Variants in PIK3C2G observed in about 807,000 individuals in gnomAD.
PIK3C2G encodes phosphatidylinositol-4-phosphate 3-kinase catalytic subunit type 2 gamma, also known as phosphatidylinositol 3-kinase C2 domain-containing subunit gamma.
PIK3C2G carries 168 observed loss-of-function variants against 181.1 expected under a neutral mutation model. That is an observed-to-expected ratio of 0.93 (90% confidence interval 0.82 to 1.05). PIK3C2G has a LOEUF of 1.05. Ranked by LOEUF, PIK3C2G falls within the 50% of genes least tolerant of loss-of-function variation. PIK3C2G has a pLI of 0.00. For missense variants in PIK3C2G, 1,869 were observed against 1,732.8 expected (o/e 1.08, Z -1.40); for synonymous variants, 573 against 592.2 (o/e 0.97, Z 0.47).
chr12:18,399,614 T>C (rs750310220), intron 15 of PIK3C2G, 45 bp from the exon 16 acceptor site: 2 of 1,245,498 alleles, frequency 1.6e-6, no homozygotes, highest in Non-Finnish European at 1.1e-6. Context: ...CATTTGTTAG[T>C]GCAGCAAACT....
intron 19 of PIK3C2G, among the ~76,000 whole-genome samples, chr12:18,490,254 C>G (rs1324447262): frequency 6.6e-6 from 1 of 152,142 alleles, no homozygotes; most frequent in African/African-American, 2.4e-5. Context: ...CTACACTTTG[C>G]TCTTCTGGAT....
intron 1 of PIK3C2G, among the ~76,000 whole-genome samples, chr12:18,263,860 T>C (rs1055954213): frequency 2.6e-5 from 4 of 152,216 alleles, no homozygotes; most frequent in Non-Finnish European, 5.9e-5. Context: ...AGATTTTATA[T>C]GACATAACCA....
intron 31 of PIK3C2G, among the ~76,000 whole-genome samples, chr12:18,633,393 T>C (rs1327548990): frequency 2.0e-5 from 3 of 152,372 alleles, no homozygotes; most frequent in African/African-American, 7.2e-5. Context: ...GTCATCTCTG[T>C]AACTGGTCAC....
At chr12:18,443,365 A>C (rs1458742727) in intron 18 of PIK3C2G, among the ~76,000 whole-genome samples, 1 of 152,148 alleles carries the variant, frequency 6.6e-6, no homozygotes, top group Non-Finnish European at 1.5e-5. Context: ...AGTAATAAAA[A>C]ATATCAGTAT....
the PIK3C2G span, among the ~76,000 whole-genome samples, chr12:18,685,030 T>C: frequency 6.6e-6 from 1 of 152,108 alleles, no homozygotes; most frequent in South Asian, 2.1e-4. Context: ...GAACTGTGAG[T>C]CAATTAAACC....
Position 18,505,470 on chromosome 12 carries a change from A to G in PIK3C2G, c.3323+9A>G, listed in dbSNP as rs754500396. On this transcript the variant is annotated intron_variant, in intron 24 of 32. Transcript: ENST00000538779. ...TTTGGAGGGATAAAAAGGTCAGTGC[A>G]CAAATGTTTATTACAGTAATTAAGC... 5 of 1,604,024 alleles carry G rather than the reference A, an allele frequency of 3.1e-6. No individual in the cohort carries two copies. The highest frequency in any genetic ancestry group is 2.7e-5 in the African/African-American group (2 of 74,772).
intron 14 of PIK3C2G, 90 bp from the exon 15 acceptor site, chr12:18,391,032 T>C: frequency 1.2e-6 from 1 of 847,648 alleles, no homozygotes; most frequent in Middle Eastern, 3.4e-4. Flanking sequence ...TTCTGTTCTT[T>C]AGTTTCTATA....
chr12:18,436,534 CA>C (rs1490301567), intron 18 of PIK3C2G, among the ~76,000 whole-genome samples: 1 of 151,928 alleles, frequency 6.6e-6, no homozygotes, highest in Non-Finnish European at 1.5e-5. Flanking sequence ...ACTGTGAGGA[CA>C]AAACTTAACC....
At chr12:18,497,394 T>G (rs898506451) in intron 21 of PIK3C2G, among the ~76,000 whole-genome samples, 1 of 152,166 alleles carries the variant, frequency 6.6e-6, no homozygotes, top group Non-Finnish European at 1.5e-5. Context: ...GCAGCACCTC[T>G]AATTTGATGG....
intron 18 of PIK3C2G, among the ~76,000 whole-genome samples, chr12:18,431,904 C>A (rs1435549447): frequency 6.6e-6 from 1 of 152,138 alleles, no homozygotes; most frequent in Admixed American, 6.5e-5. Context: ...CAGCAACTTG[C>A]TTAAACCAAA....
intron 1 of PIK3C2G, among the ~76,000 whole-genome samples, chr12:18,275,516 G>A (rs1948946947): frequency 6.6e-6 from 1 of 152,070 alleles, no homozygotes; most frequent in Admixed American, 6.6e-5. Flanking sequence ...CACATAGCTG[G>A]GATTACAGGC....
intron 7 of PIK3C2G, 148 bp from the exon 8 acceptor site, chr12:18,324,887 T>C (rs988494419): frequency 2.1e-5 from 11 of 528,532 alleles, no homozygotes; most frequent in African/African-American, 7.9e-5. Context: ...TTCTGAGATG[T>C]TTTTAAAATT....
At chr12:18,662,866 T>C in the PIK3C2G span, among the ~76,000 whole-genome samples, 1 of 151,880 alleles carries the variant, frequency 6.6e-6, no homozygotes, top group African/African-American at 2.4e-5. Flanking sequence ...CCAAAGGAAA[T>C]GAGAAAATAC....
intron 30 of PIK3C2G, 39 bp downstream of exon 30, chr12:18,594,608 C>G: frequency 1.9e-6 from 2 of 1,031,816 alleles, no homozygotes; most frequent in Non-Finnish European, 2.8e-6. Flanking sequence ...CAGTGATTTT[C>G]AAAATAATTG....
At chr12:18,371,362 C>T (rs999206784) in intron 13 of PIK3C2G, 51 bp downstream of exon 13, 1 of 1,471,942 alleles carries the variant, frequency 6.8e-7, no homozygotes, top group African/African-American at 1.4e-5. Flanking sequence ...TAAAACATTC[C>T]TAGAAGTAAA....
chr12:18,638,134 T>C (rs532951979), intron 31 of PIK3C2G, among the ~76,000 whole-genome samples: 44 of 152,292 alleles, frequency 2.9e-4, no homozygotes, highest in Admixed American at 1.2e-3. Flanking sequence ...GGTCACACTT[T>C]GAACCTCAAC....
the PIK3C2G span, among the ~76,000 whole-genome samples, chr12:18,674,592 A>C: frequency 6.6e-6 from 1 of 152,198 alleles, no homozygotes; most frequent in Non-Finnish European, 1.5e-5. Context: ...ATTATTCTTG[A>C]GAGAGTAAAC....
At chr12:18,308,081 T>C (rs1950493150) in intron 5 of PIK3C2G, among the ~76,000 whole-genome samples, 1 of 151,888 alleles carries the variant, frequency 6.6e-6, no homozygotes, top group African/African-American at 2.4e-5. Context: ...TAGTAGCTGC[T>C]TGTATTCACT....
intron 30 of PIK3C2G, among the ~76,000 whole-genome samples, chr12:18,608,999 T>G (rs1398687331): frequency 2.0e-5 from 3 of 152,138 alleles, no homozygotes; most frequent in Non-Finnish European, 2.9e-5. Flanking sequence ...AAGAGATTAG[T>G]GCAAATTGAC....
Sources: gnomAD v4.1 joint callset for allele counts (sites outside exome capture counted in the v4.1 genomes callset) on GRCh38, gnomAD v4.1.1 for gene constraint, MANE v1.5 for transcripts, NCBI Gene and HGNC (gene_info 2026-07-23, HGNC 2026-07-21) for gene names.